PLPP1: variants seen among roughly 807,000 people sequenced by gnomAD.
PLPP1 encodes the protein lipid phosphate phosphohydrolase 1a.
A neutral mutation model predicts 31.2 loss-of-function variants in PLPP1; 24 were observed. That is an observed-to-expected ratio of 0.77 (90% CI 0.56 to 1.08). The LOEUF (loss-of-function observed/expected upper bound fraction) is 1.08. Ranked by LOEUF, PLPP1 falls within the 50% of genes least tolerant of loss-of-function variation. PLPP1 has a pLI of 0.00. For missense variants in PLPP1, 319 were observed against 342.7 expected, an observed-to-expected ratio of 0.93 and a Z score of 0.55; for synonymous variants, 146 against 126.3, an observed-to-expected ratio of 1.16 and a Z score of -1.05.
chr5:55,490,546 C>T (rs189441239), intron 1 of PLPP1, among the ~76,000 whole-genome samples: 17 of 152,142 alleles, frequency 1.1e-4, no homozygotes, highest in African/African-American at 2.9e-4. Context: ...AATATGCAAA[C>T]GTTTTCCTTT....
intron 1 of PLPP1, among the ~76,000 whole-genome samples, chr5:55,513,910 ATGT>A (rs1258308258): frequency 6.6e-6 from 1 of 152,186 alleles, no homozygotes; most frequent in Non-Finnish European, 1.5e-5. Context: ...TGGGAGACAG[ATGT>A]TGTGTAGGGT....
intron 1 of PLPP1, among the ~76,000 whole-genome samples, chr5:55,534,151 C>T (rs953683536): frequency 3.3e-5 from 5 of 152,170 alleles, no homozygotes; most frequent in Non-Finnish European, 7.3e-5. Flanking sequence ...CTGCTTCTCA[C>T]GATAAATCAG....
chr5:55,497,863 C>T (rs1037646598), intron 1 of PLPP1, among the ~76,000 whole-genome samples: 3 of 152,140 alleles, frequency 2.0e-5, no homozygotes, highest in Non-Finnish European at 4.4e-5. Flanking sequence ...ATGACATGAT[C>T]TTGCAGGAGG....
chr5:55,458,987 A>AT (rs1487706487), intron 3 of PLPP1, among the ~76,000 whole-genome samples: 2 of 151,138 alleles, frequency 1.3e-5, no homozygotes, highest in Non-Finnish European at 2.9e-5. Context: ...AAGGGCAAAG[A>AT]TTTTTCAGTC....
At chr5:55,506,563 G>A (rs1432902287) in intron 1 of PLPP1, among the ~76,000 whole-genome samples, 1 of 152,138 alleles carries the variant, frequency 6.6e-6, no homozygotes, top group African/African-American at 2.4e-5. Flanking sequence ...GCAAACTATG[G>A]AAGAGAAATG....
At chr5:55,524,807 TC>T (rs1458545728) in intron 1 of PLPP1, among the ~76,000 whole-genome samples, 2 of 151,386 alleles carry the variant, frequency 1.3e-5, no homozygotes, top group Non-Finnish European at 2.9e-5. Context: ...TGAAACTACG[TC>T]CCCCCCCAAA....
chr5:55,501,024 C>T (rs1228018449), intron 1 of PLPP1, among the ~76,000 whole-genome samples: 2 of 152,112 alleles, frequency 1.3e-5, no homozygotes, highest in Non-Finnish European at 2.9e-5. Flanking sequence ...TCTGTTAAAA[C>T]ACAAAGCAGG....
intron 2 of PLPP1, among the ~76,000 whole-genome samples, chr5:55,475,065 C>T (rs941536485): frequency 6.6e-6 from 1 of 151,996 alleles, no homozygotes; most frequent in Non-Finnish European, 1.5e-5. Flanking sequence ...CTCAGCCTCT[C>T]GAGTAGCTGG....
chr5:55,431,024 AC>A (rs1337615849), intron 4 of PLPP1, among the ~76,000 whole-genome samples: 1 of 152,234 alleles, frequency 6.6e-6, no homozygotes. Flanking sequence ...TTGAACCCAG[AC>A]AAAAATAAGA....
intron 4 of PLPP1, among the ~76,000 whole-genome samples, chr5:55,433,644 C>T (rs905479573): frequency 2.0e-5 from 3 of 149,186 alleles, no homozygotes; most frequent in East Asian, 2.1e-4. Context: ...GGAGTACAGG[C>T]GCGTGCCACC....
At chr5:55,486,106 C>A (rs1456406709) in intron 1 of PLPP1, among the ~76,000 whole-genome samples, 1 of 152,074 alleles carries the variant, frequency 6.6e-6, no homozygotes, top group Admixed American at 6.6e-5. Flanking sequence ...CTGTGACAGG[C>A]CAAACTGTGT....
At chr5:55,482,566 C>T (rs187411002) in intron 1 of PLPP1, among the ~76,000 whole-genome samples, 1 of 152,100 alleles carries the variant, frequency 6.6e-6, no homozygotes, top group African/African-American at 2.4e-5. Context: ...AATGGCAGCA[C>T]AGCGCCTATG....
intron 3 of PLPP1, among the ~76,000 whole-genome samples, chr5:55,463,351 A>T (rs1209275585): frequency 6.6e-6 from 1 of 152,138 alleles, no homozygotes; most frequent in Non-Finnish European, 1.5e-5. Context: ...TTAAATTAAG[A>T]TAAAAAAGAA....
chr5:55,460,617 T>A (rs1176548340), intron 3 of PLPP1, among the ~76,000 whole-genome samples: 1 of 152,170 alleles, frequency 6.6e-6, no homozygotes, highest in Non-Finnish European at 1.5e-5. Context: ...CCAAAGCTCA[T>A]AGAAGAAAAC....
intron 1 of PLPP1, chr5:55,530,315 T>C (rs1059385): frequency 8.1e-6 from 12 of 1,474,258 alleles, no homozygotes; most frequent in Admixed American, 1.7e-5. Flanking sequence ...AAGGAAGAGA[T>C]ACACAAATAG....
rs751492859 is a variant in PLPP1, at chr5:55,425,876, A to G, written c.713T>C (p.Val238Ala). 1.2e-6 allele frequency: 2 copies of G among 1,606,958 alleles called. No individual in the cohort carries two copies. Among genetic ancestry groups the G allele is most frequent in the South Asian group, 1.1e-5 (1 of 89,126 alleles). ...CTGTATACTTACAACTAATATTGCAACCAGAGCTCCCTGAATGAGTCCAGT... is the reference window on the plus strand; with the variant it reads ...CTGTATACTTACAACTAATATTGCAGCCAGAGCTCCCTGAATGAGTCCAGT... ...VLTGLIQGAL[V>A]AILVAVYVSD... The change falls in exon 5 of 6, where the codon GTT becomes GCT. Residue 238 changes from valine to alanine, a missense_variant. Coordinates refer to ENST00000307259, the MANE Select transcript of PLPP1 (RefSeq NM_003711.4).
At chr5:55,505,478 T>C (rs564126402) in intron 1 of PLPP1, among the ~76,000 whole-genome samples, 2 of 152,132 alleles carry the variant, frequency 1.3e-5, no homozygotes, top group Non-Finnish European at 2.9e-5. Context: ...GAGGTTTATT[T>C]CTTTAAGGAA....
chr5:55,491,017 G>A, intron 1 of PLPP1: 1 of 1,613,640 alleles, frequency 6.2e-7, no homozygotes, highest in Non-Finnish European at 8.5e-7. Flanking sequence ...TGACGGTACT[G>A]TCATGGTACG....
intron 3 of PLPP1, among the ~76,000 whole-genome samples, chr5:55,467,412 G>A (rs1752325655): frequency 1.3e-5 from 2 of 152,016 alleles, no homozygotes; most frequent in African/African-American, 4.8e-5. Flanking sequence ...TTGGCTGGGT[G>A]TGGTGGCTCA....
Sources: gnomAD v4.1 joint callset for allele counts (sites outside exome capture counted in the v4.1 genomes callset) on GRCh38, gnomAD v4.1.1 for gene constraint, MANE v1.5 for transcripts, NCBI Gene and HGNC (gene_info 2026-07-23, HGNC 2026-07-21) for gene names.